Variants in PPP4R2 observed in about 807,000 individuals in gnomAD.
The protein encoded by PPP4R2 is serine/threonine-protein phosphatase 4 regulatory subunit 2.
PPP4R2 carries 13 observed loss-of-function variants against 47.2 expected under a neutral mutation model. That is an observed-to-expected ratio of 0.28 (90% CI 0.18 to 0.44). The LOEUF (loss-of-function observed/expected upper bound fraction) is 0.44. PPP4R2 is among the 20% of genes least tolerant of loss of function. The pLI is 1.00. For missense variants in PPP4R2, 421 were observed against 491.2 expected (o/e 0.86, Z 1.35); for synonymous variants, 151 against 163.3 (o/e 0.92, Z 0.57).
At chr3:73,021,927 C>T (rs1213618230) in intron 2 of PPP4R2, among the ~76,000 whole-genome samples, 11 of 140,656 alleles carry the variant, frequency 7.8e-5, no homozygotes, top group African/African-American at 1.0e-4. Flanking sequence ...GAAACAATCT[C>T]GCTCTGTTGT....
At chr3:73,053,621 C>T (rs1050263440) in intron 3 of PPP4R2, among the ~76,000 whole-genome samples, 7 of 151,962 alleles carry the variant, frequency 4.6e-5, no homozygotes, top group Admixed American at 2.0e-4. Flanking sequence ...TTAAAAGAGG[C>T]GAAATTAGCT....
At chr3:73,056,813 GT>G (rs1702739886) in intron 3 of PPP4R2, among the ~76,000 whole-genome samples, 1 of 152,092 alleles carries the variant, frequency 6.6e-6, no homozygotes, top group Admixed American at 6.6e-5. Flanking sequence ...CAGTGTACAT[GT>G]TGTTAAACAA....
chr3:73,018,318 G>C (rs556669575), intron 2 of PPP4R2, among the ~76,000 whole-genome samples: 1 of 151,082 alleles, frequency 6.6e-6, no homozygotes, highest in East Asian at 1.9e-4. Flanking sequence ...GGTTGACAGC[G>C]GGATTTAAGT....
At chr3:73,004,944 CGTGTGTGTGTGTGTGTGTGT>C (rs67945272) in intron 2 of PPP4R2, among the ~76,000 whole-genome samples, 194 of 117,042 alleles carry the variant, frequency 1.7e-3, no homozygotes, top group African/African-American at 5.9e-3. Flanking sequence ...GAGTCGGAGT[CGTGTGTGTGTGTGTGTGTGT>C]GTGTGTGTGT....
At chr3:73,065,280 T>C in intron 8 of PPP4R2, 117 bp from the exon 9 acceptor site, 1 of 1,289,450 alleles carries the variant, frequency 7.8e-7, no homozygotes, top group Admixed American at 2.8e-5. Context: ...TGTATGTAGT[T>C]GCTGCTGAAT....
intron 2 of PPP4R2, among the ~76,000 whole-genome samples, chr3:73,003,555 A>G (rs1701529841): frequency 6.6e-6 from 1 of 152,074 alleles, no homozygotes; most frequent in Non-Finnish European, 1.5e-5. Flanking sequence ...TACAGTAGGT[A>G]TATATCTCAT....
chr3:72,998,383 CT>C (rs759024768), intron 2 of PPP4R2, among the ~76,000 whole-genome samples: 12 of 152,080 alleles, frequency 7.9e-5, no homozygotes, highest in Non-Finnish European at 1.8e-4. Context: ...TTAAAATTTT[CT>C]TTATAGCTAG....
Position 73,068,417 on chromosome 3 carries a change from A to G in PPP4R2, c.*2695A>G, listed in dbSNP as rs183514027. 1.2e-4 allele frequency: 18 copies of G among 152,342 alleles called. No individual in the cohort carries two copies. The highest frequency in any genetic ancestry group is 9.8e-4 in the Admixed American group (15 of 15,304). The allele number at this position is 152,342 out of a possible 1,614,324, so 9.4% of individuals were successfully genotyped here. On this transcript the variant is annotated 3_prime_UTR_variant, in exon 9 of 9. Transcript: ENST00000356692. Reference sequence around the variant, plus strand: ...TGTTTCTAGCACTTTTCCCTTTTAAAAAGTGAAAATATCCTTGTACATTTT... The same window carrying G: ...TGTTTCTAGCACTTTTCCCTTTTAAGAAGTGAAAATATCCTTGTACATTTT...
intron 2 of PPP4R2, among the ~76,000 whole-genome samples, chr3:73,028,072 C>G (rs1702101045): frequency 6.6e-6 from 1 of 151,210 alleles, no homozygotes; most frequent in African/African-American, 2.4e-5. Flanking sequence ...GCCTGGCCAA[C>G]ATGGTGAAAC....
chr3:72,999,323 T>A (rs1701413343), intron 2 of PPP4R2, among the ~76,000 whole-genome samples: 1 of 152,232 alleles, frequency 6.6e-6, no homozygotes, highest in Non-Finnish European at 1.5e-5. Context: ...AATGTAAAAC[T>A]GTTAATTTGT....
chr3:73,019,275 G>T (rs945862660), intron 2 of PPP4R2, among the ~76,000 whole-genome samples: 3 of 152,164 alleles, frequency 2.0e-5, no homozygotes, highest in African/African-American at 7.2e-5. Context: ...GGAATCATCT[G>T]ATGACACATT....
chr3:73,022,601 A>G (rs999155460), intron 2 of PPP4R2, among the ~76,000 whole-genome samples: 1 of 152,330 alleles, frequency 6.6e-6, no homozygotes, highest in East Asian at 1.9e-4. Flanking sequence ...TTTTGACACA[A>G]TTACAAACTT....
Position 73,064,015 on chromosome 3 carries a change from T to G in PPP4R2, c.507T>G (p.Asn169Lys), listed in dbSNP as rs1264255211. 6.3e-7 allele frequency: 1 copy of G among 1,594,020 alleles called. No homozygotes were observed. Residue 169 changes from asparagine to lysine, a missense_variant, in exon 7 of 9, where the codon AAT (asparagine) becomes AAG (lysine). This residue lies in a region of PPP4R2 where 104 missense variants were observed against 203.7 expected (regional missense o/e 0.51). Coordinates refer to ENST00000356692, the MANE Select transcript of PPP4R2 (RefSeq NM_174907.4). ...SPSYTERSNINGPGTPRPLNR... is the reference protein window; with the variant it reads ...SPSYTERSNIKGPGTPRPLNR... ...TATCTTATTATAGGTCTAATATAAA[T>G]GGGCCTGGGACACCCAGGCCACTTA...
At chr3:73,060,297 A>C (rs2107336915) in intron 4 of PPP4R2, among the ~76,000 whole-genome samples, 2 of 152,232 alleles carry the variant, frequency 1.3e-5, no homozygotes, top group South Asian at 4.1e-4. Flanking sequence ...ATCAGTACTT[A>C]CTTTTCAGCT....
At chr3:73,059,796 G>A (rs893668066) in intron 4 of PPP4R2, among the ~76,000 whole-genome samples, 8 of 151,964 alleles carry the variant, frequency 5.3e-5, no homozygotes, top group Non-Finnish European at 8.8e-5. Context: ...CTAGCCGGGC[G>A]TGGTGGTGCA....
chr3:73,065,272 T>G, intron 8 of PPP4R2, 125 bp from the exon 9 acceptor site: 1 of 1,288,610 alleles, frequency 7.8e-7, no homozygotes, highest in Non-Finnish European at 1.1e-6. Flanking sequence ...CTCCCACCTG[T>G]ATGTAGTTGC....
chr3:73,043,510 C>T (rs1702423121), intron 2 of PPP4R2, among the ~76,000 whole-genome samples: 1 of 152,170 alleles, frequency 6.6e-6, no homozygotes, highest in Admixed American at 6.5e-5. Context: ...TTCTGAGGAA[C>T]TGCCCAAGTA....
At chr3:73,002,624 CTTTTCTTTTCTTTTTT>C (rs1701494901) in intron 2 of PPP4R2, among the ~76,000 whole-genome samples, 1 of 67,024 alleles carries the variant, frequency 1.5e-5, no homozygotes. Flanking sequence ...CTTTTCTTTT[CTTTTCTTTTCTTTTTT>C]TTTTTTTTTT....
intron 2 of PPP4R2, among the ~76,000 whole-genome samples, chr3:73,037,600 C>T (rs1702290822): frequency 6.6e-6 from 1 of 152,192 alleles, no homozygotes; most frequent in African/African-American, 2.4e-5. Flanking sequence ...ACATCACAAG[C>T]TAAAACCCTT....
Sources: gnomAD v4.1 joint callset for allele counts (sites outside exome capture counted in the v4.1 genomes callset) on GRCh38, gnomAD v4.1.1 for gene constraint, gnomAD v4.1.1 regional missense constraint, MANE v1.5 for transcripts, NCBI Gene and HGNC (gene_info 2026-07-23, HGNC 2026-07-21) for gene names.